ROBO1: variants seen among roughly 807,000 people sequenced by gnomAD.
The protein encoded by ROBO1 is roundabout guidance receptor 1, also known as roundabout homolog 1.
A neutral mutation model predicts 195.9 loss-of-function variants in ROBO1; 149 were observed. The ratio of observed to expected loss-of-function variants is 0.76; its 90% CI spans 0.67 to 0.87. The LOEUF (loss-of-function observed/expected upper bound fraction) is 0.87, where lower values mean the gene tolerates loss of function less well. ROBO1 is among the 40% of genes least tolerant of loss of function. ROBO1 has a pLI of 0.00. For missense variants in ROBO1, 1,933 were observed against 2,068.3 expected (o/e 0.93, Z 1.27); for synonymous variants, 816 against 733.2 (o/e 1.11, Z -1.82).
intron 1 of ROBO1, among the ~76,000 whole-genome samples, chr3:79,755,378 G>A (rs1173528921): frequency 6.6e-6 from 1 of 151,964 alleles, no homozygotes; most frequent in Non-Finnish European, 1.5e-5. Context: ...AAGCAAAAGA[G>A]TACAACCAAG....
At chr3:79,354,952 G>C (rs377234635) in intron 2 of ROBO1, among the ~76,000 whole-genome samples, 1 of 152,246 alleles carries the variant, frequency 6.6e-6, no homozygotes, top group South Asian at 2.1e-4. Context: ...TGGATCACGA[G>C]GTCAGGAGTT....
intron 3 of ROBO1, among the ~76,000 whole-genome samples, chr3:79,024,681 A>G (rs1219079964): frequency 6.6e-6 from 1 of 152,194 alleles, no homozygotes; most frequent in East Asian, 1.9e-4. Context: ...GATAGTTATG[A>G]GAAATCTTGT....
intron 1 of ROBO1, among the ~76,000 whole-genome samples, chr3:79,646,701 T>C (rs1945831055): frequency 6.6e-6 from 1 of 152,134 alleles, no homozygotes; most frequent in South Asian, 2.1e-4. Context: ...ATGTAGTATG[T>C]ATACACAATG....
chr3:78,810,526 G>T (rs1270391695), intron 4 of ROBO1, among the ~76,000 whole-genome samples: 4 of 152,050 alleles, frequency 2.6e-5, no homozygotes, highest in Non-Finnish European at 5.9e-5. Context: ...TATATTATTG[G>T]TAGGTAAACA....
At chr3:78,844,602 G>A (rs1412092435) in intron 4 of ROBO1, among the ~76,000 whole-genome samples, 1 of 152,024 alleles carries the variant, frequency 6.6e-6, no homozygotes, top group Admixed American at 6.6e-5. Flanking sequence ...CAGGGATACC[G>A]TGTGCTTGGG....
Position 79,429,772 on chromosome 3 carries a change from T to C in ROBO1, c.88+160052A>G, listed in dbSNP as rs562752860. Among the ~76,000 whole-genome samples, 5 of 152,294 alleles carry C rather than the reference T, an allele frequency of 3.3e-5. No homozygotes were observed. In the East Asian group the frequency reaches 5.8e-4, roughly 18 times the overall value. ...ATATCCCACCAATTAAGTCTTCTTATTGAATAATGCCCATTAGTTTCTTTA... is the reference window on the plus strand; with the variant it reads ...ATATCCCACCAATTAAGTCTTCTTACTGAATAATGCCCATTAGTTTCTTTA... On this transcript the variant is annotated intron_variant, in intron 2 of 30. Coordinates refer to ENST00000464233, the MANE Select transcript of ROBO1 (RefSeq NM_002941.4).
At chr3:79,734,668 A>G (rs1041933698) in intron 1 of ROBO1, among the ~76,000 whole-genome samples, 1 of 152,156 alleles carries the variant, frequency 6.6e-6, no homozygotes, top group African/African-American at 2.4e-5. Flanking sequence ...CTTGCTCTAA[A>G]TTTCAAATTG....
intron 3 of ROBO1, among the ~76,000 whole-genome samples, chr3:79,005,672 T>G (rs947361318): frequency 1.3e-5 from 2 of 152,182 alleles, no homozygotes; most frequent in Admixed American, 6.5e-5. Flanking sequence ...ACAAGATTCC[T>G]CACAGAAATG....
chr3:79,504,294 C>T (rs906656810), intron 2 of ROBO1, among the ~76,000 whole-genome samples: 1 of 151,840 alleles, frequency 6.6e-6, no homozygotes, highest in African/African-American at 2.4e-5. Context: ...TAATAAATGC[C>T]TGTTGATAAA....
chr3:79,767,430 A>T (rs950924926), intron 1 of ROBO1, among the ~76,000 whole-genome samples: 1 of 152,150 alleles, frequency 6.6e-6, no homozygotes, highest in Non-Finnish European at 1.5e-5. Flanking sequence ...AACAAATTCC[A>T]AAACTTCTTT....
At position 79,713,970 on chromosome 3, in the gene ROBO1, A is replaced by C. The variant is rs560240466; in HGVS notation, c.-51+53782T>G. On this transcript the variant is annotated intron_variant, in intron 1 of 30. Coordinates refer to ENST00000464233, the MANE Select transcript of ROBO1 (RefSeq NM_002941.4). The stretch of plus-strand genomic sequence containing the variant: ...TGGTCTATATCTCTGTTTTGTTACC[A>C]GTACCATGCTGTTTTGGTTACTGTA... Among the ~76,000 whole-genome samples, 15 of 152,272 alleles carry C rather than the reference A, an allele frequency of 9.9e-5. No homozygotes were observed. The East Asian group carries it at 2.9e-3, about 29-fold the overall frequency.
intron 2 of ROBO1, among the ~76,000 whole-genome samples, chr3:79,147,683 C>T (rs1428385747): frequency 6.6e-6 from 1 of 151,926 alleles, no homozygotes; most frequent in East Asian, 1.9e-4. Flanking sequence ...ATTTATTATA[C>T]ACAGTGGGTG....
intron 4 of ROBO1, among the ~76,000 whole-genome samples, chr3:78,865,472 CTTT>C (rs549086224): frequency 1.6e-5 from 2 of 126,888 alleles, no homozygotes; most frequent in Non-Finnish European, 1.7e-5. Flanking sequence ...TTGATGAACG[CTTT>C]TTTTTTTTTT....
At chr3:78,662,161 G>A (rs2107672747) in intron 14 of ROBO1, 47 bp from the exon 15 acceptor site, 1 of 1,525,216 alleles carries the variant, frequency 6.6e-7, no homozygotes. Flanking sequence ...CAACGTTACT[G>A]AACGGAATGA....
intron 4 of ROBO1, among the ~76,000 whole-genome samples, chr3:78,860,332 T>A (rs1414915268): frequency 9.2e-6 from 1 of 109,194 alleles, no homozygotes; most frequent in Non-Finnish European, 1.9e-5. Context: ...ATATATTTTT[T>A]TTTTTTTACT....
intron 2 of ROBO1, among the ~76,000 whole-genome samples, chr3:79,457,396 C>CGT (rs139242982): frequency 0.039 from 5,743 of 148,950 alleles, 209 homozygotes; most frequent in African/African-American, 0.1. Flanking sequence ...TGTGTGTGTG[C>CGT]GTGTGTGTGT....
intron 4 of ROBO1, among the ~76,000 whole-genome samples, chr3:78,797,200 A>G (rs1036986287): frequency 1.3e-5 from 2 of 152,204 alleles, no homozygotes; most frequent in Non-Finnish European, 2.9e-5. Context: ...AAATGAGTGT[A>G]CCATGACACT....
intron 2 of ROBO1, among the ~76,000 whole-genome samples, chr3:79,145,046 T>A (rs1468593766): frequency 6.6e-6 from 1 of 152,010 alleles, no homozygotes; most frequent in Non-Finnish European, 1.5e-5. Flanking sequence ...GTACATCCTA[T>A]TTTTATATAC....
At chr3:78,983,748 C>T (rs1307586667) in intron 3 of ROBO1, among the ~76,000 whole-genome samples, 1 of 152,186 alleles carries the variant, frequency 6.6e-6, no homozygotes, top group Non-Finnish European at 1.5e-5. Flanking sequence ...TGACCACTGT[C>T]ACCTATAAAT....
Sources: gnomAD v4.1 joint callset for allele counts (sites outside exome capture counted in the v4.1 genomes callset) on GRCh38, gnomAD v4.1.1 for gene constraint, MANE v1.5 for transcripts, NCBI Gene and HGNC (gene_info 2026-07-23, HGNC 2026-07-21) for gene names.